Variants in BFSP2 observed in about 807,000 individuals in gnomAD.
BFSP2 encodes beaded filament structural protein 2.
BFSP2 carries 38 observed loss-of-function variants against 44.9 expected under a neutral mutation model. The observed-to-expected ratio is 0.85, with a 90% confidence interval of 0.65 to 1.11. The LOEUF is 1.11. Ranked by LOEUF, BFSP2 falls within the 50% of genes least tolerant of loss-of-function variation. The pLI, the probability that BFSP2 is intolerant of heterozygous loss-of-function variation, is 0.00. For synonymous variants in BFSP2, 197 were observed against 209.9 expected (o/e 0.94, Z 0.53); for missense variants, 525 against 533.0 (o/e 0.99, Z 0.15).
intron 4 of BFSP2, among the ~76,000 whole-genome samples, chr3:133,462,217 T>C (rs1384630790): frequency 3.3e-5 from 5 of 151,546 alleles, no homozygotes; most frequent in Non-Finnish European, 5.9e-5. Context: ...ATAACTAACC[T>C]ACAGTTTCCA....
chr3:133,454,184 G>A lies in BFSP2; in HGVS notation c.891+3720G>A, dbSNP rs181822370. ...CAACTTTTTTTTTAAGTTGGGCACT[G>A]TGGCATGTGCCTGTAGTCCTAGCTA... On this transcript the variant is annotated intron_variant, in intron 4 of 6. Transcript: ENST00000302334. Among the ~76,000 whole-genome samples the A allele has an allele frequency of 4.0e-3, 602 of 152,262 alleles. 2 individuals carry two copies. The highest frequency in any genetic ancestry group is 7.1e-3 in the Admixed American group (109 of 15,296).
At chr3:133,405,313 A>C (rs1270834956) in intron 1 of BFSP2, among the ~76,000 whole-genome samples, 1 of 152,226 alleles carries the variant, frequency 6.6e-6, no homozygotes, top group African/African-American at 2.4e-5. Flanking sequence ...AAAATGGGAA[A>C]TCAAAATTGT....
At chr3:133,405,893 C>T (rs1352890302) in intron 1 of BFSP2, among the ~76,000 whole-genome samples, 1 of 152,200 alleles carries the variant, frequency 6.6e-6, no homozygotes, top group Non-Finnish European at 1.5e-5. Context: ...GAGAAGGAGG[C>T]ATGAGCCTGC....
At chr3:133,431,038 G>C (rs895265956) in intron 1 of BFSP2, among the ~76,000 whole-genome samples, 1 of 150,108 alleles carries the variant, frequency 6.7e-6, no homozygotes, top group South Asian at 2.2e-4. Flanking sequence ...TAGCGTTTAG[G>C]CTCTTTTTCA....
At chr3:133,464,559 A>G (rs567651972) in intron 4 of BFSP2, among the ~76,000 whole-genome samples, 7 of 152,218 alleles carry the variant, frequency 4.6e-5, no homozygotes, top group Non-Finnish European at 8.8e-5. Context: ...TAAATATTTG[A>G]CTCTTCATAG....
At chr3:133,448,899 G>T in intron 3 of BFSP2, 1 of 498,350 alleles carries the variant, frequency 2.0e-6, no homozygotes, top group Non-Finnish European at 3.6e-6. Flanking sequence ...CTTGGCACTA[G>T]CAAATGAGGG....
At chr3:133,448,370 A>G (rs1411343958) in intron 2 of BFSP2, 119 bp from the exon 3 acceptor site, 1 of 1,268,454 alleles carries the variant, frequency 7.9e-7, no homozygotes, top group Non-Finnish European at 1.1e-6. Flanking sequence ...CTATTGAAAC[A>G]GTGACTTTTA....
intron 3 of BFSP2, among the ~76,000 whole-genome samples, chr3:133,449,637 G>A (rs1251096082): frequency 1.3e-5 from 2 of 152,008 alleles, no homozygotes; most frequent in African/African-American, 2.4e-5. Flanking sequence ...CCAGCACTTT[G>A]AGAGGCCAAG....
intron 4 of BFSP2, among the ~76,000 whole-genome samples, chr3:133,465,810 A>G (rs574754068): frequency 6.6e-6 from 1 of 152,238 alleles, no homozygotes; most frequent in Admixed American, 6.5e-5. Context: ...AATTAAAAAT[A>G]TATACCCTTT....
intron 1 of BFSP2, among the ~76,000 whole-genome samples, chr3:133,431,210 T>G (rs2073713643): frequency 6.6e-6 from 1 of 152,092 alleles, no homozygotes; most frequent in Non-Finnish European, 1.5e-5. Flanking sequence ...AAAATTAAAT[T>G]CCGGCCCTCA....
intron 1 of BFSP2, among the ~76,000 whole-genome samples, chr3:133,439,650 A>T (rs1445436872): frequency 6.6e-6 from 1 of 152,252 alleles, no homozygotes; most frequent in Non-Finnish European, 1.5e-5. Flanking sequence ...AGGTAGCAGC[A>T]GGAGTCAAGG....
chr3:133,470,769 G>A (rs1258971002), intron 5 of BFSP2, among the ~76,000 whole-genome samples: 1 of 152,188 alleles, frequency 6.6e-6, no homozygotes, highest in African/African-American at 2.4e-5. Flanking sequence ...CTCACCATCT[G>A]GTGGAAAAGA....
intron 1 of BFSP2, among the ~76,000 whole-genome samples, chr3:133,405,697 T>G (rs901707146): frequency 1.3e-5 from 2 of 152,242 alleles, no homozygotes; most frequent in African/African-American, 4.8e-5. Flanking sequence ...TCAGCCTGTT[T>G]CTTAATCAGT....
chr3:133,417,488 CCT>C (rs2073549583), intron 1 of BFSP2, among the ~76,000 whole-genome samples: 2 of 133,750 alleles, frequency 1.5e-5, no homozygotes, highest in East Asian at 2.4e-4. Flanking sequence ...TCTACTCACC[CCT>C]GCCCTCTCCC....
intron 1 of BFSP2, among the ~76,000 whole-genome samples, chr3:133,436,348 C>G (rs1050187100): frequency 7.5e-6 from 1 of 132,692 alleles, no homozygotes; most frequent in African/African-American, 3.1e-5. Flanking sequence ...AAAAAAAAAT[C>G]TATGTATTGT....
At chr3:133,405,810 C>A (rs1486143146) in intron 1 of BFSP2, among the ~76,000 whole-genome samples, 2 of 152,070 alleles carry the variant, frequency 1.3e-5, no homozygotes, top group Non-Finnish European at 2.9e-5. Flanking sequence ...AGAGAAAAGT[C>A]CGTTAGAGAG....
At chr3:133,429,971 G>A (rs2073695000) in intron 1 of BFSP2, among the ~76,000 whole-genome samples, 1 of 150,186 alleles carries the variant, frequency 6.7e-6, no homozygotes, top group Non-Finnish European at 1.5e-5. Context: ...TGTTCTCATT[G>A]TTCAATTCCC....
At chr3:133,431,777 C>T (rs143608234) in intron 1 of BFSP2, among the ~76,000 whole-genome samples, 7,012 of 152,220 alleles carry the variant, frequency 0.046, 168 homozygotes, top group Non-Finnish European at 0.056. Context: ...TATTGACAGC[C>T]AGGCTTCTAA....
At chr3:133,410,759 T>G in intron 1 of BFSP2, 1 of 220,334 alleles carries the variant, frequency 4.5e-6, no homozygotes, top group South Asian at 8.9e-5. Flanking sequence ...GCCAATCCCA[T>G]GGTGACAGCA....
Sources: allele counts gnomAD v4.1 joint callset (sites outside exome capture counted in the v4.1 genomes callset), GRCh38; gene constraint gnomAD v4.1.1; transcripts MANE v1.5; gene names NCBI Gene and HGNC (gene_info 2026-07-23, HGNC 2026-07-21).